PTPRH: variants seen among roughly 807,000 people sequenced by gnomAD.
PTPRH encodes the protein receptor-type tyrosine-protein phosphatase H.
Under a neutral mutation model 130.2 loss-of-function variants are expected in PTPRH, and 113 were observed. That is an observed-to-expected ratio of 0.87 (90% CI 0.75 to 1.01). PTPRH has a LOEUF of 1.01. Among genes scored for constraint, PTPRH ranks in the 50% least tolerant of loss-of-function variants. The pLI is 0.00. For synonymous variants in PTPRH, 556 were observed against 577.9 expected, an observed-to-expected ratio of 0.96 and a Z score of 0.54; for missense variants, 1,430 against 1,425.0, an observed-to-expected ratio of 1.00 and a Z score of -0.06.
chr19:55,207,179 C>T lies in PTPRH; in HGVS notation c.72G>A (p.Gly24=). 6.2e-7 allele frequency: 1 copy of T among 1,613,412 alleles called. No individual in the cohort carries two copies. Among genetic ancestry groups the T allele is most frequent in the Non-Finnish European group, 8.5e-7 (1 of 1,179,812 alleles). The change falls in exon 2 of 20, where the codon GGG becomes GGA. Residue 24 remains glycine, a synonymous_variant. Coordinates refer to ENST00000376350, the MANE Select transcript of PTPRH (RefSeq NM_002842.5). ...LVLLGLCSWT[G]ARAPAPNPGR... ...GGGGTCACTCACCAGGCGCCCTGGCCCCTGTCCAGCTGCACAGGCCCTGGA... is the reference window on the plus strand; with the variant it reads ...GGGGTCACTCACCAGGCGCCCTGGCTCCTGTCCAGCTGCACAGGCCCTGGA...
In PTPRH at chr19:55,204,198, C is replaced by A. The variant is rs570662728; in HGVS notation, c.620-150G>T. On this transcript the variant is annotated intron_variant, in intron 4 of 19. Coordinates refer to ENST00000376350, the MANE Select transcript of PTPRH (RefSeq NM_002842.5). Reference sequence around the variant, plus strand: ...GCAGTGGCACGATCTCGGCTCACCACAGCCTCCGCCGTCCGGGTTCAAGCG... The same window carrying A: ...GCAGTGGCACGATCTCGGCTCACCAAAGCCTCCGCCGTCCGGGTTCAAGCG... 326 of 873,790 alleles carry A rather than the reference C, an allele frequency of 3.7e-4. No homozygotes were observed. The African/African-American group carries it at 5.0e-3, about 13-fold the overall frequency. 54.1% of individuals were successfully genotyped at this position (873,790 alleles called of 1,614,324 possible).
At position 55,186,300 on chromosome 19, in the gene PTPRH, A is replaced by G; in HGVS notation, c.2703T>C (p.Gly901=). ...GTTCCCACACCAGGCGCCAGAAGTCACCCACTGTCTGTGGCAGGGGACCCT... is the reference window on the plus strand; with the variant it reads ...GTTCCCACACCAGGCGCCAGAAGTCGCCCACTGTCTGTGGCAGGGGACCCT... ...ATQGPLPQTV[G]DFWRLVWEQQ... Residue 901 remains glycine (G), a synonymous_variant, in exon 16 of 20, where the codon GGT becomes GGC. Coordinates refer to ENST00000376350, the MANE Select transcript of PTPRH (RefSeq NM_002842.5). 6.2e-7 allele frequency: 1 copy of G among 1,613,988 alleles called. No individual in the cohort carries two copies. The highest frequency in any genetic ancestry group is 8.5e-7 in the Non-Finnish European group (1 of 1,179,970).
chr19:55,200,964 CA>C (rs66964920), intron 6 of PTPRH, among the ~76,000 whole-genome samples: 31,631 of 148,576 alleles, frequency 0.21, 3,796 homozygotes, highest in East Asian at 0.39. Context: ...AAAAAACAAA[CA>C]AAAAAAACAA....
chr19:55,197,972 G>A (rs546431396), intron 8 of PTPRH, among the ~76,000 whole-genome samples: 1 of 152,316 alleles, frequency 6.6e-6, no homozygotes, highest in East Asian at 1.9e-4. Flanking sequence ...CAGTGCTTTG[G>A]GAGGCCGAGG....
In PTPRH at chr19:55,193,606, C is replaced by T. The variant is rs554471183; in HGVS notation, c.2258-1865G>A. Reference sequence around the variant, plus strand: ...CTGCTGGCACATAGTGGGTGGGAAGCAGAGGTGCAGCTCAATATCCTACAA... The same window carrying T: ...CTGCTGGCACATAGTGGGTGGGAAGTAGAGGTGCAGCTCAATATCCTACAA... On this transcript the variant is annotated intron_variant, in intron 10 of 19. Coordinates refer to ENST00000376350, the MANE Select transcript of PTPRH (RefSeq NM_002842.5). Among the ~76,000 whole-genome samples, 3 of 152,284 alleles carry T rather than the reference C, an allele frequency of 2.0e-5. No homozygotes were observed. In the East Asian group the frequency reaches 5.8e-4, roughly 29 times the overall value.
At position 55,202,314 on chromosome 19, in the gene PTPRH, G is replaced by C; in HGVS notation, c.895C>G (p.Pro299Ala). Residue 299 changes from proline (P) to alanine (A), a missense_variant, in exon 6 of 20, where the codon CCA becomes GCA. Transcript: ENST00000376350. ...EIVTSATAPN[P>A]VRNLTVEAQT... ...GCCTCCACTGTCAGGTTTCTCACTG[G>C]GTTGGGAGCTGAAAACCAGCACAGG... The C allele has an allele frequency of 6.2e-7, 1 of 1,614,026 alleles. No individual in the cohort carries two copies. The highest frequency in any genetic ancestry group is 8.5e-7 in the Non-Finnish European group (1 of 1,179,922).
intron 3 of PTPRH, among the ~76,000 whole-genome samples, chr19:55,205,986 A>C (rs1251712252): frequency 6.6e-6 from 1 of 152,086 alleles, no homozygotes; most frequent in Non-Finnish European, 1.5e-5. Flanking sequence ...TAATCCCCGC[A>C]CTTTGGGAGG....
Position 55,196,639 on chromosome 19 carries a change from C to T in PTPRH, c.2140G>A (p.Glu714Lys), listed in dbSNP as rs757780523. 3 of 1,614,072 alleles carry T rather than the reference C, an allele frequency of 1.9e-6. No homozygotes were observed. The highest frequency in any genetic ancestry group is 2.5e-6 in the Non-Finnish European group (3 of 1,180,016). ...CCGAGACCCAACACAGACACAGCCT[C>T]CCCACATGAAGATCTGTCCTGGGAG... ...RGSQDRSSCG[E>K]AVSVLGLGPA... Residue 714 changes from glutamate to lysine, a missense_variant, in exon 10 of 20, where the codon GAG (glutamate) becomes AAG (lysine). Transcript: ENST00000376350.
chr19:55,186,618 A>T (rs2086342258), intron 14 of PTPRH, 78 bp from the exon 15 acceptor site: 1 of 1,477,970 alleles, frequency 6.8e-7, no homozygotes, highest in Non-Finnish European at 9.4e-7. Flanking sequence ...AGAGAGACCC[A>T]GAGAGGCACA....
chr19:55,198,992 G>A, intron 7 of PTPRH, 80 bp from the exon 8 acceptor site: 2 of 1,305,368 alleles, frequency 1.5e-6, no homozygotes, highest in African/African-American at 1.5e-5. Context: ...CCCTGTCCTT[G>A]TGCAGCCCAG....
rs767427298 is a variant in PTPRH at position 55,197,406 on chromosome 19, C to G, written c.1701G>C (p.Glu567Asp). The G allele has an allele frequency of 6.2e-7, 1 of 1,612,032 alleles. No individual in the cohort carries two copies. The highest frequency in any genetic ancestry group is 2.2e-5 in the East Asian group (1 of 44,816). ...STLTAATAPN[E>D]VTDLQNETQT... ...GAGTTTCATTCTGGAGATCTGTGAC[C>G]TCATTGGGAGCTGAGAAGTGAGAAC... is the stretch of plus-strand genomic sequence containing the variant. The change falls in exon 9 of 20, where the codon GAG becomes GAC. Residue 567 changes from glutamate to aspartate, a missense_variant. Coordinates refer to ENST00000376350, the MANE Select transcript of PTPRH (RefSeq NM_002842.5).
chr19:55,200,233 T>C lies in PTPRH; in HGVS notation c.1420+3A>G. ...ACAGGGAGTGGCCGTTGAGGGTTCC[T>C]ACCTGTGGAGATGCTGACATTCTGC... On this transcript the variant is annotated splice_donor_region_variant and intron_variant, in intron 7 of 19. Coordinates refer to ENST00000376350, the MANE Select transcript of PTPRH (RefSeq NM_002842.5). 6.2e-7 allele frequency: 1 copy of C among 1,614,142 alleles called. No homozygotes were observed. The highest frequency in any genetic ancestry group is 1.1e-5 in the South Asian group (1 of 91,070).
chr19:55,202,415 C>A, intron 5 of PTPRH, 93 bp from the exon 6 acceptor site: 5 of 1,542,078 alleles, frequency 3.2e-6, no homozygotes, highest in Non-Finnish European at 4.4e-6. Context: ...CAGGTGGAGG[C>A]AGGGAGGCCC....
In PTPRH at chr19:55,200,494, G is replaced by A. The variant is rs752582112; in HGVS notation, c.1162C>T (p.Pro388Ser). 6.2e-7 allele frequency: 1 copy of A among 1,613,958 alleles called. No individual in the cohort carries two copies. Among genetic ancestry groups the A allele is most frequent in the South Asian group, 1.1e-5 (1 of 91,060 alleles). ...GTCTCCATATGGAGGTTTCTCACTG[G>A]GTTGGGGGCTGAGAAAGTAGGAAGA... The part of the protein sequence containing the change: ...ETRNATTAPN[P>S]VRNLHMETQT... The change falls in exon 7 of 20, where the codon CCA becomes TCA. Residue 388 changes from proline (P) to serine (S), a missense_variant. By Grantham distance (74) the Pro-to-Ser change is moderately conservative. Transcript: ENST00000376350.
chr19:55,188,758 A>G (rs1206118087), intron 12 of PTPRH, among the ~76,000 whole-genome samples: 1 of 152,048 alleles, frequency 6.6e-6, no homozygotes, highest in African/African-American at 2.4e-5. Context: ...ATTTAGCACC[A>G]CTGCCTGTGC....
At chr19:55,197,017 C>T in intron 9 of PTPRH, 100 bp downstream of exon 9, 2 of 1,445,508 alleles carry the variant, frequency 1.4e-6, no homozygotes, top group Non-Finnish European at 1.9e-6. Flanking sequence ...GAAGTCATGG[C>T]CTGTGGCCTG....
In PTPRH at chr19:55,205,328, G is replaced by A. The variant is rs867761041; in HGVS notation, c.617C>T (p.Thr206Ile). 1.2e-6 allele frequency: 2 copies of A among 1,614,200 alleles called. No homozygotes were observed. The highest frequency in any genetic ancestry group is 1.7e-6 in the Non-Finnish European group (2 of 1,180,030). ...NSSRETRNAT[T>I]AHNPVRNLRV... Reference sequence around the variant, plus strand: ...AACAAATGGCGACTGCCTCTCACCTGTGGTGGCATTTCGAGTCTCCCGGGA... The same window carrying A: ...AACAAATGGCGACTGCCTCTCACCTATGGTGGCATTTCGAGTCTCCCGGGA... The change falls in exon 4 of 20, where the codon ACA (threonine) becomes ATA (isoleucine). Residue 206 changes from threonine (T) to isoleucine (I), a missense_variant and splice_region_variant. By Grantham distance (89) the Thr-to-Ile change is moderately conservative. Coordinates refer to ENST00000376350, the MANE Select transcript of PTPRH (RefSeq NM_002842.5).
chr19:55,191,017 A>G (rs1354185013), intron 12 of PTPRH, among the ~76,000 whole-genome samples: 1 of 151,634 alleles, frequency 6.6e-6, no homozygotes, highest in Non-Finnish European at 1.5e-5. Context: ...AATTTTTTGT[A>G]TTTTTTAGTG....
chr19:55,185,503 T>C lies in PTPRH; in HGVS notation c.3061A>G (p.Ser1021Gly). The C allele has an allele frequency of 3.7e-6, 6 of 1,614,042 alleles. No individual in the cohort carries two copies. The highest frequency in any genetic ancestry group is 5.1e-6 in the Non-Finnish European group (6 of 1,180,000). Residue 1021 changes from serine (S) to glycine (G), a missense_variant and splice_region_variant, in exon 18 of 20, where the codon AGT becomes GGT. Coordinates refer to ENST00000376350, the MANE Select transcript of PTPRH (RefSeq NM_002842.5). The part of the protein sequence containing the change: ...MEGGPPIVHC[S>G]AGVGRTGTLI... ...AGAGGGTCCTGGGCTGGTCCCCACC[T>C]GCAGTGCACAATGGGTGGGCCTCCC... is the stretch of plus-strand genomic sequence containing the variant.
Sources: allele counts gnomAD v4.1 joint callset (sites outside exome capture counted in the v4.1 genomes callset), GRCh38; gene constraint gnomAD v4.1.1; transcripts MANE v1.5; gene names NCBI Gene and HGNC (gene_info 2026-07-23, HGNC 2026-07-21).